COL24A1: variants seen among roughly 807,000 people sequenced by gnomAD.
COL24A1 encodes collagen alpha-1(XXIV) chain.
COL24A1 carries 224 observed loss-of-function variants against 253.9 expected under a neutral mutation model. That is an observed-to-expected ratio of 0.88 (90% CI 0.79 to 0.99). The LOEUF (loss-of-function observed/expected upper bound fraction) is 0.99, where lower values mean the gene tolerates loss of function less well. COL24A1 is among the 50% of genes least tolerant of loss of function. COL24A1 has a pLI of 0.00. For synonymous variants in COL24A1, 685 were observed against 673.7 expected (o/e 1.02, Z -0.26); for missense variants, 2,131 against 2,068.5 (o/e 1.03, Z -0.59).
chr1:85,886,825 T>G (rs950104963), intron 32 of COL24A1, among the ~76,000 whole-genome samples: 26 of 152,196 alleles, frequency 1.7e-4, no homozygotes, highest in Admixed American at 6.5e-5. Flanking sequence ...TATACATGGT[T>G]AAATTTTACT....
At chr1:86,027,043 T>C (rs116164122) in intron 14 of COL24A1, among the ~76,000 whole-genome samples, 3 of 152,162 alleles carry the variant, frequency 2.0e-5, no homozygotes, top group Non-Finnish European at 4.4e-5. Flanking sequence ...TTAGGATATC[T>C]GGCGGAAGAA....
At chr1:85,960,460 T>C (rs1690916334) in intron 24 of COL24A1, among the ~76,000 whole-genome samples, 1 of 152,152 alleles carries the variant, frequency 6.6e-6, no homozygotes, top group Non-Finnish European at 1.5e-5. Context: ...TTTGAACAAC[T>C]CAAACTTTAT....
At position 86,050,188 on chromosome 1, in the gene COL24A1, G is replaced by T; in HGVS notation, c.1852-11C>A. 6.2e-7 allele frequency: 1 copy of T among 1,611,602 alleles called. No individual in the cohort carries two copies. Among genetic ancestry groups the T allele is most frequent in the Non-Finnish European group, 8.5e-7 (1 of 1,177,964 alleles). The stretch of plus-strand genomic sequence containing the variant: ...AGAGCCAATAAAACCCTTAAAACAA[G>T]AAAATAGTCTGTATATTAGTTCATT... On this transcript the variant is annotated splice_polypyrimidine_tract_variant and intron_variant, in intron 10 of 59. Transcript: ENST00000370571.
At chr1:85,778,281 T>C (rs1045400677) in intron 52 of COL24A1, among the ~76,000 whole-genome samples, 1 of 152,062 alleles carries the variant, frequency 6.6e-6, no homozygotes, top group African/African-American at 2.4e-5. Context: ...TTTTAAATTT[T>C]TTTGTAGAGA....
At chr1:86,010,059 C>CA (rs1027271138) in intron 19 of COL24A1, among the ~76,000 whole-genome samples, 4 of 151,298 alleles carry the variant, frequency 2.6e-5, no homozygotes, top group Non-Finnish European at 4.4e-5. Flanking sequence ...TTCACACACA[C>CA]AAAAAAAACT....
intron 53 of COL24A1, among the ~76,000 whole-genome samples, chr1:85,774,833 C>T (rs1668359321): frequency 1.3e-5 from 2 of 152,140 alleles, no homozygotes; most frequent in African/African-American, 4.8e-5. Flanking sequence ...CTCCTGGATT[C>T]ATTGATTTCT....
chr1:85,772,317 G>A (rs866777345), intron 53 of COL24A1, among the ~76,000 whole-genome samples: 3 of 151,692 alleles, frequency 2.0e-5, no homozygotes, highest in Non-Finnish European at 1.5e-5. Context: ...ACAGGTGCTG[G>A]AGAGGATGTG....
intron 57 of COL24A1, among the ~76,000 whole-genome samples, chr1:85,741,559 T>C (rs1664644960): frequency 6.6e-6 from 1 of 152,170 alleles, no homozygotes; most frequent in African/African-American, 2.4e-5. Context: ...AAAGTCTAAG[T>C]CCTCACCTTT....
chr1:86,036,275 A>G (rs1039754490), intron 12 of COL24A1, among the ~76,000 whole-genome samples: 7 of 152,184 alleles, frequency 4.6e-5, no homozygotes, highest in Admixed American at 2.0e-4. Flanking sequence ...GGCATAAGCC[A>G]CTGTACCAAG....
At chr1:85,940,769 A>G (rs1688686369) in intron 24 of COL24A1, among the ~76,000 whole-genome samples, 1 of 152,212 alleles carries the variant, frequency 6.6e-6, no homozygotes, top group Non-Finnish European at 1.5e-5. Flanking sequence ...AAAAGTTCAG[A>G]ACAAAGTTTT....
At chr1:85,831,352 A>G (rs1675257548) in intron 43 of COL24A1, among the ~76,000 whole-genome samples, 1 of 152,090 alleles carries the variant, frequency 6.6e-6, no homozygotes, top group Admixed American at 6.6e-5. Flanking sequence ...ATGCCCAATT[A>G]TGGCTTTTCC....
intron 47 of COL24A1, among the ~76,000 whole-genome samples, chr1:85,797,966 G>A (rs950017306): frequency 1.3e-5 from 2 of 152,118 alleles, no homozygotes. Flanking sequence ...GCCGAGGTGG[G>A]ATAACTGCTT....
chr1:85,873,711 A>G (rs1409929129), intron 35 of COL24A1, among the ~76,000 whole-genome samples: 1 of 152,178 alleles, frequency 6.6e-6, no homozygotes, highest in African/African-American at 2.4e-5. Context: ...GGATAGCATT[A>G]GGAGATATAT....
At chr1:86,151,972 C>T (rs1267106889) in intron 1 of COL24A1, among the ~76,000 whole-genome samples, 7 of 152,294 alleles carry the variant, frequency 4.6e-5, no homozygotes, top group South Asian at 4.1e-4. Flanking sequence ...ATTTCCACCA[C>T]GCTACGTTTA....
chr1:85,968,502 G>A (rs937695622), intron 22 of COL24A1, among the ~76,000 whole-genome samples: 3 of 151,952 alleles, frequency 2.0e-5, no homozygotes, highest in Non-Finnish European at 2.9e-5. Context: ...CTAAATTATC[G>A]AATCATTTCC....
At chr1:85,988,121 A>G (rs957282875) in intron 19 of COL24A1, among the ~76,000 whole-genome samples, 3 of 151,338 alleles carry the variant, frequency 2.0e-5, no homozygotes, top group Non-Finnish European at 4.4e-5. Context: ...AACAGCACCC[A>G]AAATTATGGC....
intron 35 of COL24A1, among the ~76,000 whole-genome samples, chr1:85,870,418 T>G (rs929900586): frequency 6.6e-6 from 1 of 152,172 alleles, no homozygotes; most frequent in South Asian, 2.1e-4. Flanking sequence ...CATATCACAC[T>G]TATTCCAAAA....
At chr1:85,854,536 G>A (rs1678193725) in intron 37 of COL24A1, among the ~76,000 whole-genome samples, 1 of 151,856 alleles carries the variant, frequency 6.6e-6, no homozygotes, top group African/African-American at 2.4e-5. Context: ...CTGGCATTGA[G>A]TCTTTAAATT....
At chr1:85,803,292 T>C (rs888718068) in intron 47 of COL24A1, among the ~76,000 whole-genome samples, 3 of 152,010 alleles carry the variant, frequency 2.0e-5, no homozygotes, top group Non-Finnish European at 1.5e-5. Flanking sequence ...TAGTTAGATA[T>C]GGTGGCATGC....
Sources: allele counts gnomAD v4.1 joint callset (sites outside exome capture counted in the v4.1 genomes callset), GRCh38; gene constraint gnomAD v4.1.1; transcripts MANE v1.5; gene names NCBI Gene and HGNC (gene_info 2026-07-23, HGNC 2026-07-21).